Variants in SUSD1 observed in about 807,000 individuals in gnomAD.
SUSD1 encodes sushi domain containing 1.
SUSD1 carries 65 observed loss-of-function variants against 86.9 expected under a neutral mutation model. The observed-to-expected ratio is 0.75, with a 90% CI of 0.61 to 0.92. The LOEUF is 0.92. Among genes scored for constraint, SUSD1 ranks in the 40% least tolerant of loss-of-function variants. The pLI is 0.00. For synonymous variants in SUSD1, 346 were observed against 350.0 expected, an observed-to-expected ratio of 0.99 and a Z score of 0.13; for missense variants, 850 against 929.7, an observed-to-expected ratio of 0.91 and a Z score of 1.11.
chr9:112,147,534 G>C (rs1832856813), intron 3 of SUSD1, among the ~76,000 whole-genome samples: 1 of 150,874 alleles, frequency 6.6e-6, no homozygotes, highest in Non-Finnish European at 1.5e-5. Flanking sequence ...ACTTTGGGAG[G>C]CCAAGGCAGG....
At chr9:112,140,415 C>T (rs1468681057) in intron 5 of SUSD1, among the ~76,000 whole-genome samples, 2 of 151,388 alleles carry the variant, frequency 1.3e-5, no homozygotes, top group Non-Finnish European at 2.9e-5. Flanking sequence ...GTAGTTCGTG[C>T]CTGTAGTCCA....
rs1564330740 is a variant in SUSD1, at chr9:112,140,079, G to GTCCAGGCATGGTAGTTCGT, written c.706+2240_706+2241insACGAACTACCATGCCTGGA. ...CATCTCTATAAAAAATACAAAAATT[G>GTCCAGGCATGGTAGTTCGT]GGGCCGGGCGCGGTGGCTCACGCCT... On this transcript the variant is annotated intron_variant, in intron 5 of 16. Transcript: ENST00000374270. Among the ~76,000 whole-genome samples, 76 of 128,834 alleles carry GTCCAGGCATGGTAGTTCGT rather than the reference G, an allele frequency of 5.9e-4. 1 individual carries two copies. Among genetic ancestry groups the GTCCAGGCATGGTAGTTCGT allele is most frequent in the African/African-American group, 1.0e-3 (28 of 27,468 alleles). 84.5% of individuals were successfully genotyped at this position (128,834 alleles called of 152,430 possible).
At chr9:112,053,150 C>CA (rs1828293612) in intron 14 of SUSD1, among the ~76,000 whole-genome samples, 1 of 152,164 alleles carries the variant, frequency 6.6e-6, no homozygotes, top group African/African-American at 2.4e-5. Context: ...AGGAGAGTCT[C>CA]TTTCAAATGA....
intron 6 of SUSD1, among the ~76,000 whole-genome samples, chr9:112,123,520 C>T (rs1831636386): frequency 6.6e-6 from 1 of 152,180 alleles, no homozygotes; most frequent in South Asian, 2.1e-4. Flanking sequence ...AGATGGTAAG[C>T]CAGGCATGGT....
Position 112,043,678 on chromosome 9 carries a change from A to G in SUSD1, c.2150-1718T>C, listed in dbSNP as rs569620158. ...ATTGGGCGGTTACTAATTCTCAAAA[A>G]ATGCTGCCAAGAGCCTTTCTAGAAA... On this transcript the variant is annotated intron_variant, in intron 15 of 16. Transcript: ENST00000374270. 2.0e-5 allele frequency among the ~76,000 whole-genome samples: 3 copies of G among 152,320 alleles called. No individual in the cohort carries two copies. In the South Asian group the frequency reaches 6.2e-4, roughly 32 times the overall value.
At chr9:112,070,766 T>C (rs902768723) in intron 12 of SUSD1, among the ~76,000 whole-genome samples, 3 of 151,790 alleles carry the variant, frequency 2.0e-5, no homozygotes, top group Admixed American at 6.6e-5. Context: ...GCAATTGAAA[T>C]AGTAAAGTAC....
intron 14 of SUSD1, among the ~76,000 whole-genome samples, chr9:112,055,065 G>T (rs1002877450): frequency 6.6e-6 from 1 of 152,156 alleles, no homozygotes; most frequent in African/African-American, 2.4e-5. Context: ...ACAAATGGCC[G>T]ATTAGCCCAT....
intron 3 of SUSD1, among the ~76,000 whole-genome samples, chr9:112,144,681 C>T (rs1198307582): frequency 6.6e-6 from 1 of 152,070 alleles, no homozygotes; most frequent in Non-Finnish European, 1.5e-5. Flanking sequence ...AGTGAAAATG[C>T]CAGCCCATGA....
At chr9:112,166,906 A>ATT (rs1833850500) in intron 1 of SUSD1, among the ~76,000 whole-genome samples, 1 of 152,112 alleles carries the variant, frequency 6.6e-6, no homozygotes, top group Admixed American at 6.6e-5. Context: ...AAACCTGACA[A>ATT]GTGCTCTTTG....
chr9:112,061,724 T>C (rs80263642), intron 13 of SUSD1, among the ~76,000 whole-genome samples: 5,203 of 152,246 alleles, frequency 0.034, 291 homozygotes, highest in African/African-American at 0.11. Context: ...TAAATGAATA[T>C]AAAAGCAGGA....
At chr9:112,092,085 A>G (rs947900448) in intron 10 of SUSD1, among the ~76,000 whole-genome samples, 12 of 152,330 alleles carry the variant, frequency 7.9e-5, no homozygotes, top group Non-Finnish European at 1.6e-4. Flanking sequence ...CTGGGTACTT[A>G]TAAGAGAAAA....
At chr9:112,062,854 A>T (rs904964240) in intron 13 of SUSD1, 83 bp downstream of exon 13, 4 of 888,868 alleles carry the variant, frequency 4.5e-6, no homozygotes, top group Admixed American at 4.0e-5. Context: ...CCAACACAGA[A>T]GTCTTCTCCT....
intron 13 of SUSD1, among the ~76,000 whole-genome samples, chr9:112,059,916 T>C (rs1319471190): frequency 6.6e-6 from 1 of 152,176 alleles, no homozygotes; most frequent in Non-Finnish European, 1.5e-5. Context: ...CCTTGCACAG[T>C]TCTTTGGAAA....
intron 10 of SUSD1, among the ~76,000 whole-genome samples, chr9:112,084,931 G>A (rs1049918753): frequency 5.3e-5 from 8 of 152,164 alleles, no homozygotes; most frequent in Non-Finnish European, 4.4e-5. Context: ...ATGGGCAAGC[G>A]ACTCTTGGCA....
intron 12 of SUSD1, among the ~76,000 whole-genome samples, chr9:112,077,668 C>A (rs28473424): frequency 0.018 from 2,735 of 151,794 alleles, 78 homozygotes; most frequent in African/African-American, 0.062. Context: ...CCACACCCAG[C>A]TAATTTTTGT....
chr9:112,077,411 G>A (rs1261981792), intron 12 of SUSD1, among the ~76,000 whole-genome samples: 1 of 151,182 alleles, frequency 6.6e-6, no homozygotes, highest in African/African-American at 2.4e-5. Context: ...TCACAGATGT[G>A]AAGAGGGAGG....
intron 6 of SUSD1, among the ~76,000 whole-genome samples, chr9:112,117,355 G>A (rs1831370640): frequency 6.6e-6 from 1 of 152,126 alleles, no homozygotes; most frequent in South Asian, 2.1e-4. Context: ...GGGTAGAGGT[G>A]GGAAGAGCAG....
rs372492705 is a variant in SUSD1, at chr9:112,111,793, C to T, written c.1032G>A (p.Glu344=). 2.0e-5 allele frequency: 32 copies of T among 1,614,020 alleles called. No individual in the cohort carries two copies. Among genetic ancestry groups the T allele is most frequent in the Non-Finnish European group, 2.7e-5 (32 of 1,180,020 alleles). The change falls in exon 8 of 17, where the codon GAG becomes GAA. Residue 344 remains glutamate, a synonymous_variant. Coordinates refer to ENST00000374270, the MANE Select transcript of SUSD1 (RefSeq NM_022486.5). ...TGTCTGTGGTCAAGTTGACTGTCTC[C>T]TCACGAACTGATTCCATAGGGTCCA... The part of the protein sequence containing the change: ...QRLDPMESVR[E]ETVNLTTDSR...
At chr9:112,044,920 G>A (rs1056729779) in intron 15 of SUSD1, among the ~76,000 whole-genome samples, 1 of 152,208 alleles carries the variant, frequency 6.6e-6, no homozygotes. Context: ...CATACAGAGA[G>A]TGTTACAGAT....
Sources: allele counts gnomAD v4.1 joint callset (sites outside exome capture counted in the v4.1 genomes callset), GRCh38; gene constraint gnomAD v4.1.1; transcripts MANE v1.5; gene names NCBI Gene and HGNC (gene_info 2026-07-23, HGNC 2026-07-21).